Variants in GNAS observed in about 807,000 individuals in gnomAD.
The protein encoded by GNAS is GNAS complex locus, also known as protein ALEX.
GNAS carries 8 observed loss-of-function variants against 54.5 expected under a neutral mutation model. The observed-to-expected ratio is 0.15, with a 90% CI of 0.09 to 0.26. The LOEUF is 0.26. Among genes scored for constraint, GNAS ranks in the 10% least tolerant of loss-of-function variants. The pLI, the probability that GNAS is intolerant of heterozygous loss-of-function variation, is 1.00. For missense variants in GNAS, 170 were observed against 529.8 expected (o/e 0.32, Z 6.67); for synonymous variants, 204 against 191.4 (o/e 1.07, Z -0.54).
At chr20:58,894,369 A>G (rs2089835586) in intron 1 of GNAS, among the ~76,000 whole-genome samples, 1 of 152,256 alleles carries the variant, frequency 6.6e-6, no homozygotes, top group South Asian at 2.1e-4. Context: ...TCATTAAGAT[A>G]GTGTTTGCTT....
intron 1 of GNAS, among the ~76,000 whole-genome samples, chr20:58,846,404 C>T (rs1308373477): frequency 3.3e-5 from 5 of 152,292 alleles, no homozygotes; most frequent in Non-Finnish European, 5.9e-5. Flanking sequence ...CTCACAGATT[C>T]GACACCATTA....
In GNAS at chr20:58,891,771, G is replaced by A. The variant is rs761263470; in HGVS notation, c.45G>A (p.Glu15=). The A allele has an allele frequency of 3.9e-6, 5 of 1,274,276 alleles. No individual in the cohort carries two copies. Among genetic ancestry groups the A allele is most frequent in the Admixed American group, 2.2e-5 (1 of 46,076 alleles). The allele number at this position is 1,274,276 out of a possible 1,614,324, so 78.9% of individuals were successfully genotyped here. The change falls in exon 1 of 13, where the codon GAG becomes GAA. Residue 15 remains glutamate (E), a synonymous_variant. Coordinates refer to ENST00000371085, the MANE Select transcript of GNAS (RefSeq NM_000516.7). ...GNSKTEDQRN[E]EKAQREANKK... is the part of the protein sequence containing the mutation. The stretch of plus-strand genomic sequence containing the variant: ...GTAAGACCGAGGACCAGCGCAACGA[G>A]GAGAAGGCGCAGCGTGAGGCCAACA...
chr20:58,892,153 C>G (rs118040112), intron 1 of GNAS: 4 of 963,256 alleles, frequency 4.2e-6, no homozygotes, highest in Non-Finnish European at 2.5e-6. Context: ...CTCGCTCTCC[C>G]CCTCTTTCTC....
intron 1 of GNAS, among the ~76,000 whole-genome samples, chr20:58,869,361 G>A (rs560126178): frequency 6.6e-6 from 1 of 152,320 alleles, no homozygotes; most frequent in African/African-American, 2.4e-5. Flanking sequence ...ATGGCAGATT[G>A]TATAGGAAAT....
At chr20:58,892,748 A>C (rs2089595057) in intron 1 of GNAS, among the ~76,000 whole-genome samples, 1 of 151,966 alleles carries the variant, frequency 6.6e-6, no homozygotes, top group Non-Finnish European at 1.5e-5. Flanking sequence ...AAATGGATAG[A>C]GTTAGTACGA....
At chr20:58,896,365 C>T (rs544013289) in intron 2 of GNAS, among the ~76,000 whole-genome samples, 1 of 152,194 alleles carries the variant, frequency 6.6e-6, no homozygotes, top group South Asian at 2.1e-4. Flanking sequence ...GGGAGTTAGG[C>T]ACTCCCAGCC....
Position 58,853,943 on chromosome 20 carries a change from T to G in GNAS, c.43+13057T>G, listed in dbSNP as rs201332059. 2.2e-4 allele frequency: 353 copies of G among 1,611,882 alleles called. 1 individual carries two copies. Among genetic ancestry groups the G allele is most frequent in the Non-Finnish European group, 2.9e-4 (338 of 1,179,576 alleles). On this transcript the variant is annotated intron_variant, in intron 1 of 12. Coordinates refer to the GNAS transcript ENST00000306090. This position sits in a 1 kb window ranked among gnomAD's most constrained non-coding sequence, Gnocchi z 4.4. ...CTCCCCCTGAGGAGACTATGCCATT[T>G]GAGCTTGATGGAGAAGGATTTGGGG...
At chr20:58,901,890 C>T (rs1056807763) in intron 3 of GNAS, among the ~76,000 whole-genome samples, 1 of 137,788 alleles carries the variant, frequency 7.3e-6, no homozygotes, top group African/African-American at 2.7e-5. Context: ...CTCGTCTGCT[C>T]GTCTGCTCTT....
At chr20:58,840,405 G>A, upstream of GNAS, 2 of 1,613,534 alleles carry the variant, frequency 1.2e-6, no homozygotes, top group South Asian at 2.2e-5. The surrounding 1 kb of genome is among the most constrained non-coding windows in gnomAD (Gnocchi z 6.0). Flanking sequence ...CTCCCCGAGT[G>A]CCTAGAGTAC....
intron 1 of GNAS, chr20:58,892,530 A>AG (rs1346245457): frequency 6.0e-5 from 3 of 49,878 alleles, no homozygotes; most frequent in East Asian, 1.4e-3. Flanking sequence ...AGTGGGGGGG[A>AG]GGGGGCGCAA....
Position 58,841,912 on chromosome 20 carries a change from C to A in GNAS, c.43+1026C>A. 1 of 1,222,606 alleles carries A rather than the reference C, an allele frequency of 8.2e-7. No individual in the cohort carries two copies. Among genetic ancestry groups the A allele is most frequent in the South Asian group, 4.2e-5 (1 of 24,026 alleles). 75.7% of individuals were successfully genotyped at this position (1,222,606 alleles called of 1,614,324 possible). On this transcript the variant is annotated intron_variant, in intron 1 of 12. Transcript: ENST00000306090. This position sits in a 1 kb window ranked among gnomAD's most constrained non-coding sequence, Gnocchi z 5.0. Reference sequence around the variant, plus strand: ...CAAGGGACAGGCTGGAGACGGGGGTCGCGTCTAACATCAGGATAACTTACA... The same window carrying A: ...CAAGGGACAGGCTGGAGACGGGGGTAGCGTCTAACATCAGGATAACTTACA...
chr20:58,843,533 C>T (rs1467719344), intron 1 of GNAS: 1 of 152,178 alleles, frequency 6.6e-6, no homozygotes, highest in Non-Finnish European at 1.5e-5. Context: ...GCCCACTTGC[C>T]CCTTTTACAT....
chr20:58,881,737 T>G (rs2088236324), intron 1 of GNAS: 2 of 152,208 alleles, frequency 1.3e-5, no homozygotes, highest in Admixed American at 1.3e-4. Flanking sequence ...TAATCATACC[T>G]TCCATATGTG....
intron 1 of GNAS, among the ~76,000 whole-genome samples, chr20:58,882,315 C>G (rs2088285890): frequency 6.6e-6 from 1 of 152,150 alleles, no homozygotes; most frequent in Admixed American, 6.5e-5. Context: ...CCTCGGCCTC[C>G]CAAAGTGCTG....
chr20:58,909,068 C>T lies in GNAS; in HGVS notation c.531-94C>T. The T allele has an allele frequency of 1.9e-6, 2 of 1,049,452 alleles. No individual in the cohort carries two copies. Among genetic ancestry groups the T allele is most frequent in the Non-Finnish European group, 3.0e-6 (2 of 665,612 alleles). 65.0% of individuals were successfully genotyped at this position (1,049,452 alleles called of 1,614,324 possible). Reference sequence around the variant, plus strand: ...GTGCTGCATAACTGTGGGACGGTCACTTCCGTTGAGCCTGACCTTGTAGAG... The same window carrying T: ...GTGCTGCATAACTGTGGGACGGTCATTTCCGTTGAGCCTGACCTTGTAGAG... On this transcript the variant is annotated intron_variant, in intron 6 of 12. Transcript: ENST00000371085. This position sits in a 1 kb window ranked among gnomAD's most constrained non-coding sequence, Gnocchi z 7.3.
In GNAS at chr20:58,876,367, A is replaced by G. The variant is rs17804083; in HGVS notation, c.44-19245A>G. On this transcript the variant is annotated intron_variant, in intron 1 of 12. Transcript: ENST00000306090. ...TAGATGTCATGGATTCTAATGGCAG[A>G]GTTCAAAGTCACTCAGAGGGGCGGG... Among the ~76,000 whole-genome samples, 676 of 152,298 alleles carry G rather than the reference A, an allele frequency of 4.4e-3. 4 individuals carry two copies. Among genetic ancestry groups the G allele is most frequent in the South Asian group, 0.02 (96 of 4,826 alleles).
chr20:58,886,385 G>A (rs768699045), upstream of GNAS, among the ~76,000 whole-genome samples: 11 of 152,178 alleles, frequency 7.2e-5, no homozygotes, highest in Non-Finnish European at 1.5e-5. Context: ...CAAGTCTCCT[G>A]AGCCAGAGAT....
intron 5 of GNAS, 21 bp from the exon 6 acceptor site, chr20:58,905,362 C>G (rs2090970288): frequency 3.6e-6 from 5 of 1,404,676 alleles, no homozygotes; most frequent in Non-Finnish European, 5.1e-6. Flanking sequence ...TTTCTCTAAA[C>G]TTTCTTGTGT....
At position 58,841,410 on chromosome 20, in the gene GNAS, C is replaced by G; in HGVS notation, c.43+524C>G. The G allele has an allele frequency of 2.0e-6, 2 of 996,854 alleles. No individual in the cohort carries two copies. Among genetic ancestry groups the G allele is most frequent in the Non-Finnish European group, 2.4e-6 (2 of 836,840 alleles). 61.8% of individuals were successfully genotyped at this position (996,854 alleles called of 1,614,324 possible). ...ATCTGAATGGGAATGGGCGAGAACT[C>G]TAGAGACTGACCACCCGGGAGGGAA... On this transcript the variant is annotated intron_variant, in intron 1 of 12. Coordinates refer to the GNAS transcript ENST00000306090. This position sits in a 1 kb window ranked among gnomAD's most constrained non-coding sequence, Gnocchi z 5.0.
Sources: gnomAD v4.1 joint callset for allele counts (sites outside exome capture counted in the v4.1 genomes callset) on GRCh38, gnomAD v4.1.1 for gene constraint, Gnocchi (gnomAD v3.1) non-coding constraint, MANE v1.5 for transcripts, NCBI Gene and HGNC (gene_info 2026-07-23, HGNC 2026-07-21) for gene names.